Variants in BCL9 observed in about 807,000 individuals in gnomAD.
The protein encoded by BCL9 is B-cell CLL/lymphoma 9 protein.
In BCL9, 25 loss-of-function variants were observed where a neutral mutation model predicts 88.5. That is an observed-to-expected ratio of 0.28 (90% confidence interval 0.21 to 0.39). The LOEUF (loss-of-function observed/expected upper bound fraction) is 0.39. Among genes scored for constraint, BCL9 ranks in the 10% least tolerant of loss-of-function variants. The pLI, the probability that BCL9 is intolerant of heterozygous loss-of-function variation, is 1.00. For synonymous variants in BCL9, 711 were observed against 673.3 expected, an observed-to-expected ratio of 1.06 and a Z score of -0.87; for missense variants, 1,817 against 1,877.8, an observed-to-expected ratio of 0.97 and a Z score of 0.60.
intron 1 of BCL9, among the ~76,000 whole-genome samples, chr1:147,589,963 A>G (rs1656779942): frequency 6.6e-6 from 1 of 152,220 alleles, no homozygotes; most frequent in Admixed American, 6.5e-5. Flanking sequence ...GCAATGCATG[A>G]AAGTGTTAGT....
At chr1:147,555,158 G>A (rs1163644698) in intron 1 of BCL9, among the ~76,000 whole-genome samples, 2 of 152,058 alleles carry the variant, frequency 1.3e-5, no homozygotes, top group South Asian at 2.1e-4. Flanking sequence ...TGCAGACCCC[G>A]AGACATAGAA....
In BCL9 at chr1:147,619,843, C is replaced by T; in HGVS notation, c.1688C>T (p.Pro563Leu). The change falls in exon 8 of 10, where the codon CCT (proline) becomes CTT (leucine). Residue 563 changes from proline to leucine, a missense_variant. By Grantham distance (98) the Pro-to-Leu change is moderately conservative (BLOSUM62 -3). Coordinates refer to ENST00000234739, the MANE Select transcript of BCL9 (RefSeq NM_004326.4). This position sits in a 1 kb window ranked among gnomAD's most constrained non-coding sequence, Gnocchi z 4.1. ...ATGCCAGGGAGCCAGATGCGCCTCC[C>T]TGGATTTGCAGGCATGATAAACTCT... ...PNMPGSQMRL[P>L]GFAGMINSEM... The T allele has an allele frequency of 6.2e-7, 1 of 1,614,168 alleles. No homozygotes were observed. The highest frequency in any genetic ancestry group is 8.5e-7 in the Non-Finnish European group (1 of 1,180,024).
At chr1:147,572,268 C>T (rs1655921198) in intron 1 of BCL9, among the ~76,000 whole-genome samples, 2 of 151,460 alleles carry the variant, frequency 1.3e-5, no homozygotes, top group South Asian at 4.2e-4. Flanking sequence ...AAAACAAAAA[C>T]AAAACAAAAA....
At chr1:147,548,208 T>G (rs1327836522) in intron 1 of BCL9, among the ~76,000 whole-genome samples, 1 of 152,122 alleles carries the variant, frequency 6.6e-6, no homozygotes, top group African/African-American at 2.4e-5. Flanking sequence ...GAAATTTTGC[T>G]GGGGGTCTGT....
intron 1 of BCL9, among the ~76,000 whole-genome samples, chr1:147,559,028 G>C (rs879985312): frequency 6.6e-6 from 1 of 151,666 alleles, no homozygotes; most frequent in Non-Finnish European, 1.5e-5. Context: ...TTGGACTTTT[G>C]TAATTTTTAT....
In BCL9 at chr1:147,559,128, C is replaced by CTT. The variant is rs11292399; in HGVS notation, c.-478+17465_-478+17466dup. ...GAAGGTTTTTTCTTTCTTTCTTCTT[C>CTT]TTTTTTTTTTTTGGCATTTGATGGT... is the stretch of plus-strand genomic sequence containing the variant. On this transcript the variant is annotated intron_variant, in intron 1 of 9. Coordinates refer to ENST00000234739, the MANE Select transcript of BCL9 (RefSeq NM_004326.4). Among the ~76,000 whole-genome samples, 404 of 139,046 alleles carry CTT rather than the reference C, an allele frequency of 2.9e-3. 1 individual carries two copies. Among genetic ancestry groups the CTT allele is most frequent in the African/African-American group, 5.0e-3 (185 of 36,634 alleles). 91.2% of individuals were successfully genotyped at this position (139,046 alleles called of 152,430 possible). A position where few individuals can be genotyped will look rare whatever the true frequency, so the allele number is the denominator to read the frequency against.
chr1:147,619,700 CCCT>C lies in BCL9; in HGVS notation c.1548_1550del (p.Pro517del). Reference sequence around the variant, plus strand: ...CTCGGGGAGTGGTCCGAGGACCCCCCCCTCCATACCAGATGACCCCTAGTGAAG... The same window carrying C: ...CTCGGGGAGTGGTCCGAGGACCCCCCCCATACCAGATGACCCCTAGTGAAG... On this transcript the variant is annotated inframe_deletion, in exon 8 of 10. Transcript: ENST00000234739. The surrounding 1 kb of genome is among the most constrained non-coding windows in gnomAD (Gnocchi z 4.1). 1 of 1,614,036 alleles carries C rather than the reference CCCT, an allele frequency of 6.2e-7. No homozygotes were observed. The highest frequency in any genetic ancestry group is 1.3e-5 in the African/African-American group (1 of 75,022).
At chr1:147,608,383 C>T (rs34832387) in intron 3 of BCL9, among the ~76,000 whole-genome samples, 32,231 of 127,534 alleles carry the variant, frequency 0.25, 4,301 homozygotes, top group African/African-American at 0.4. Context: ...TGTCTGAATG[C>T]TGATTGGAAA....
chr1:147,618,416 G>C (rs1312889089), intron 7 of BCL9, among the ~76,000 whole-genome samples: 2 of 152,012 alleles, frequency 1.3e-5, no homozygotes, highest in Admixed American at 1.3e-4. Context: ...ATACTTTCAG[G>C]GAAAAGAAAA....
At position 147,607,358 on chromosome 1, in the gene BCL9, A is replaced by G. The variant is rs147807182; in HGVS notation, c.-260+492A>G. Among the ~76,000 whole-genome samples, 613 of 152,312 alleles carry G rather than the reference A, an allele frequency of 4.0e-3. 7 individuals carry two copies. The highest frequency in any genetic ancestry group is 0.014 in the African/African-American group (586 of 41,552). ...CTTTGATTAACAATGAAAATTTTTT[A>G]AAGCAAATACTATGTGCTAGGCACT... is the stretch of plus-strand genomic sequence containing the variant. On this transcript the variant is annotated intron_variant, in intron 3 of 9. Transcript: ENST00000234739.
At chr1:147,599,256 G>A (rs891772613) in intron 1 of BCL9, among the ~76,000 whole-genome samples, 11 of 152,240 alleles carry the variant, frequency 7.2e-5, no homozygotes, top group African/African-American at 2.4e-4. Context: ...TCTCCTGCGA[G>A]GGGAGAAAGC....
chr1:147,557,255 A>G (rs587640050), intron 1 of BCL9, among the ~76,000 whole-genome samples: 2 of 152,350 alleles, frequency 1.3e-5, no homozygotes, highest in East Asian at 3.9e-4. Context: ...ATAATGGACT[A>G]GATACATTCT....
At chr1:147,548,612 A>C (rs1654728689) in intron 1 of BCL9, among the ~76,000 whole-genome samples, 1 of 152,170 alleles carries the variant, frequency 6.6e-6, no homozygotes, top group Non-Finnish European at 1.5e-5. Flanking sequence ...GATTGTTTGT[A>C]GTTTTTGTAC....
At chr1:147,556,713 G>A (rs112436243) in intron 1 of BCL9, among the ~76,000 whole-genome samples, 1,959 of 152,274 alleles carry the variant, frequency 0.013, 30 homozygotes, top group African/African-American at 0.034. Context: ...CCCCCAAAGT[G>A]CTGGGATTAC....
intron 3 of BCL9, among the ~76,000 whole-genome samples, chr1:147,608,005 G>C (rs1553202187): frequency 1.3e-5 from 2 of 152,148 alleles, no homozygotes; most frequent in Admixed American, 1.3e-4. Flanking sequence ...GGTAAAAAAG[G>C]GACCTGCAAA....
At chr1:147,571,128 C>G (rs1553197376) in intron 1 of BCL9, among the ~76,000 whole-genome samples, 2 of 152,106 alleles carry the variant, frequency 1.3e-5, no homozygotes, top group East Asian at 3.9e-4. Flanking sequence ...AATTCGTGGT[C>G]AGGAGGTAAT....
rs1553206274 is a variant in BCL9, at chr1:147,624,847, C to T, written c.4169C>T (p.Pro1390Leu). ...ATGTCCATGCAGGGCATGATGGGACCCCAACAGAACATCATGATCCCCCCA... is the reference window on the plus strand; with the variant it reads ...ATGTCCATGCAGGGCATGATGGGACTCCAACAGAACATCATGATCCCCCCA... The part of the protein sequence containing the change: ...MMMSMQGMMG[P>L]QQNIMIPPQM... Residue 1390 changes from proline (P) to leucine (L), a missense_variant, in exon 10 of 10, where the codon CCC becomes CTC. This residue lies in a region of BCL9 where 589 missense variants were observed against 686.2 expected (regional missense o/e 0.86). Coordinates refer to ENST00000234739, the MANE Select transcript of BCL9 (RefSeq NM_004326.4). The surrounding 1 kb of genome is among the most constrained non-coding windows in gnomAD (Gnocchi z 4.4). 3.1e-6 allele frequency: 5 copies of T among 1,614,056 alleles called. No individual in the cohort carries two copies. The highest frequency in any genetic ancestry group is 2.2e-5 in the East Asian group (1 of 44,850).
At chr1:147,594,459 C>G (rs190382291) in intron 1 of BCL9, among the ~76,000 whole-genome samples, 2 of 152,232 alleles carry the variant, frequency 1.3e-5, no homozygotes, top group Admixed American at 1.3e-4. Flanking sequence ...TGTTAAGTCA[C>G]TTTAGATGAG....
rs372848582 is a variant in BCL9 at position 147,560,317 on chromosome 1, C to T, written c.-478+18643C>T. On this transcript the variant is annotated intron_variant, in intron 1 of 9. Transcript: ENST00000234739. ...AAAAGGAATAAGGCCAGGCCGGGCG[C>T]GGTGGCTCACACCTGTAATCCCAGC... Among the ~76,000 whole-genome samples the T allele has an allele frequency of 3.8e-3, 581 of 152,070 alleles. 6 individuals are homozygous for T. Among genetic ancestry groups the T allele is most frequent in the South Asian group, 5.2e-3 (25 of 4,812 alleles).
Sources: allele counts gnomAD v4.1 joint callset (sites outside exome capture counted in the v4.1 genomes callset), GRCh38; gene constraint gnomAD v4.1.1; regional missense constraint gnomAD v4.1.1; non-coding constraint Gnocchi (gnomAD v3.1); transcripts MANE v1.5; gene names NCBI Gene and HGNC (gene_info 2026-07-23, HGNC 2026-07-21).